The following HIBCH variants were observed in gnomAD, a reference collection of about 807,000 sequenced individuals.
HIBCH encodes 3-hydroxyisobutyryl-CoA hydrolase, mitochondrial.
Under a neutral mutation model 58.2 loss-of-function variants are expected in HIBCH, and 50 were observed. That is an observed-to-expected ratio of 0.86 (90% CI 0.68 to 1.09). HIBCH has a LOEUF of 1.09. Among genes scored for constraint, HIBCH ranks in the 50% least tolerant of loss-of-function variants. The pLI, the probability that HIBCH is intolerant of heterozygous loss-of-function variation, is 0.00. For missense variants in HIBCH, 450 were observed against 449.7 expected (o/e 1.00, Z -0.01); for synonymous variants, 151 against 146.9 (o/e 1.03, Z -0.20).
chr2:190,291,698 T>C (rs35334255), intron 4 of HIBCH, among the ~76,000 whole-genome samples: 23,347 of 152,248 alleles, frequency 0.15, 2,508 homozygotes, highest in Admixed American at 0.32. Context: ...AAATATCTAC[T>C]GAATAGTGAA....
intron 11 of HIBCH, among the ~76,000 whole-genome samples, chr2:190,238,932 GA>G (rs1323561966): frequency 6.6e-6 from 1 of 152,158 alleles, no homozygotes; most frequent in African/African-American, 2.4e-5. Flanking sequence ...TCACTCTGAT[GA>G]GAATTTCTTC....
chr2:190,215,830 G>A lies in HIBCH; in HGVS notation c.892-2755C>T, dbSNP rs1420215933. ...GTGTGTGTGGGAGCCACTGGACTAA[G>A]CAGCCAAGACAGGGAAGGCAGTGTA... is the stretch of plus-strand genomic sequence containing the variant. On this transcript the variant is annotated intron_variant, in intron 11 of 13. Coordinates refer to ENST00000359678, the MANE Select transcript of HIBCH (RefSeq NM_014362.4). The surrounding 1 kb of genome is among the most constrained non-coding windows in gnomAD (Gnocchi z 4.4). 6.6e-6 allele frequency: 1 copy of A among 152,420 alleles called. No individual in the cohort carries two copies. The highest frequency in any genetic ancestry group is 2.4e-5 in the African/African-American group (1 of 41,436). 9.4% of individuals were successfully genotyped at this position (152,420 alleles called of 1,614,324 possible). A position where few individuals can be genotyped will look rare whatever the true frequency, so the allele number is the denominator to read the frequency against.
At chr2:190,194,416 G>T (rs1689866517) in intron 1 of HIBCH, among the ~76,000 whole-genome samples, 1 of 151,442 alleles carries the variant, frequency 6.6e-6, no homozygotes, top group Non-Finnish European at 1.5e-5. Context: ...CTGTTTTTCA[G>T]AGCAGTTTTA....
At position 190,243,110 on chromosome 2, in the gene HIBCH, T is replaced by C. The variant is rs553596908; in HGVS notation, c.891+1777A>G. ...GATCCTGGATGTGTCTGTGAGGGTG[T>C]TGCCAAAAGAGATTAACATTTGAGT... On this transcript the variant is annotated intron_variant, in intron 11 of 13. Transcript: ENST00000359678. The surrounding 1 kb of genome is among the most constrained non-coding windows in gnomAD (Gnocchi z 4.1). Among the ~76,000 whole-genome samples, 12 of 152,286 alleles carry C rather than the reference T, an allele frequency of 7.9e-5. No individual in the cohort carries two copies. The highest frequency in any genetic ancestry group is 4.2e-4 in the South Asian group (2 of 4,818).
intron 7 of HIBCH, among the ~76,000 whole-genome samples, chr2:190,257,801 C>T (rs1686970537): frequency 6.6e-6 from 1 of 152,108 alleles, no homozygotes; most frequent in Admixed American, 6.5e-5. Flanking sequence ...GGAAAGGGGG[C>T]TGAAGTCATC....
intron 1 of HIBCH, among the ~76,000 whole-genome samples, chr2:190,191,137 T>C (rs774759780): frequency 6.6e-6 from 1 of 152,020 alleles, no homozygotes; most frequent in African/African-American, 2.4e-5. Flanking sequence ...TTGCATACAA[T>C]TTTTTTTCTT....
In HIBCH at chr2:190,280,679, A is replaced by C. The variant is rs563491490; in HGVS notation, c.438+6907T>G. 5.3e-5 allele frequency among the ~76,000 whole-genome samples: 8 copies of C among 152,298 alleles called. No individual in the cohort carries two copies. In the South Asian group the frequency reaches 1.7e-3, roughly 32 times the overall value. On this transcript the variant is annotated intron_variant, in intron 6 of 13. Transcript: ENST00000359678. ...GAGCATGCGCACAACTTGAGTAAAC[A>C]CACTGAGCATATGGCCCCTCGAGTG...
downstream of HIBCH, chr2:190,199,950 A>AGAAGAGAGATGT: frequency 1.9e-6 from 3 of 1,614,158 alleles, no homozygotes; most frequent in Non-Finnish European, 1.7e-6. Context: ...CCTTTATGCC[A>AGAAGAGAGATGT]GAAGAGAGAT....
At chr2:190,287,743 T>C in intron 5 of HIBCH, 105 bp from the exon 6 acceptor site, 1 of 781,362 alleles carries the variant, frequency 1.3e-6, no homozygotes, top group South Asian at 1.6e-5. Context: ...CCCTAGGAAA[T>C]TTTAGCAAGA....
In HIBCH at chr2:190,294,022, G is replaced by GTATA. The variant is rs1553505756; in HGVS notation, c.304+520_304+523dup. ...ATATTTTGTAATATATATTTTGTGT[G>GTATA]TATATATATATATATATATATATAT... On this transcript the variant is annotated intron_variant, in intron 4 of 13. Coordinates refer to ENST00000359678, the MANE Select transcript of HIBCH (RefSeq NM_014362.4). Among the ~76,000 whole-genome samples the GTATA allele has an allele frequency of 7.5e-3, 618 of 82,922 alleles. 13 individuals carry two copies. Among genetic ancestry groups the GTATA allele is most frequent in the East Asian group, 0.072 (270 of 3,746 alleles). 54.4% of individuals were successfully genotyped at this position (82,922 alleles called of 152,430 possible). A position where few individuals can be genotyped will look rare whatever the true frequency, so the allele number is the denominator to read the frequency against.
At chr2:190,316,601 G>A (rs146383951) in intron 1 of HIBCH, among the ~76,000 whole-genome samples, 1 of 152,170 alleles carries the variant, frequency 6.6e-6, no homozygotes, top group African/African-American at 2.4e-5. Flanking sequence ...TTCTATAAGG[G>A]CAACAATGGC....
chr2:190,210,458 T>G lies in HIBCH; in HGVS notation c.1012-1545A>C, dbSNP rs1275415651. On this transcript the variant is annotated intron_variant, in intron 12 of 13. Transcript: ENST00000359678. This position sits in a 1 kb window ranked among gnomAD's most constrained non-coding sequence, Gnocchi z 5.5. ...TCAAAATGTTAGAGTTCCTTAGGGC[T>G]CAGGTCTGGACTCTCATTTTCTTTA... Among the ~76,000 whole-genome samples the G allele has an allele frequency of 4.6e-5, 7 of 152,300 alleles. No homozygotes were observed. The East Asian group carries it at 1.4e-3, about 29-fold the overall frequency.
rs1209543570 is a variant in HIBCH at position 190,211,397 on chromosome 2, C to T, written c.1011+1559G>A. On this transcript the variant is annotated intron_variant, in intron 12 of 13. Coordinates refer to ENST00000359678, the MANE Select transcript of HIBCH (RefSeq NM_014362.4). This position sits in a 1 kb window ranked among gnomAD's most constrained non-coding sequence, Gnocchi z 5.0. ...TTGTCTCAAAACTACTATTTCACAC[C>T]TGGATCACTGCAGGAAATCTATATC... 6.6e-6 allele frequency among the ~76,000 whole-genome samples: 1 copy of T among 152,170 alleles called. No individual in the cohort carries two copies. The highest frequency in any genetic ancestry group is 1.5e-5 in the Non-Finnish European group (1 of 68,032).
intron 2 of HIBCH, among the ~76,000 whole-genome samples, chr2:190,309,811 G>A (rs1037727554): frequency 6.6e-5 from 10 of 151,900 alleles, no homozygotes; most frequent in Admixed American, 5.9e-4. Context: ...CACCCACCTC[G>A]GCCTCCCAAA....
At chr2:190,239,647 G>GTTTTTTTTTTTTTTTTTT (rs60949644) in intron 11 of HIBCH, among the ~76,000 whole-genome samples, 1 of 127,550 alleles carries the variant, frequency 7.8e-6, no homozygotes, top group African/African-American at 3.0e-5. Context: ...GTGGTTTGTA[G>GTTTTTTTTTTTTTTTTTT]TTTTTTTTTT....
intron 11 of HIBCH, chr2:190,213,489 G>C (rs1267490935): frequency 5.0e-6 from 1 of 200,836 alleles, no homozygotes; most frequent in Non-Finnish European, 1.0e-5. Flanking sequence ...GCAAACTACA[G>C]AAGAAACAGG....
chr2:190,252,219 T>C lies in HIBCH; in HGVS notation c.606A>G (p.Leu202=). 1 of 1,613,806 alleles carries C rather than the reference T, an allele frequency of 6.2e-7. No homozygotes were observed. Among genetic ancestry groups the C allele is most frequent in the Non-Finnish European group, 8.5e-7 (1 of 1,179,696 alleles). Residue 202 remains leucine, a synonymous_variant, in exon 8 of 14, where the codon CTA becomes CTG. Transcript: ENST00000359678. ...CTGCTCTGTACACATCTCTTCCTTT[T>C]AGTCTGAATCCTGTTAATGCAAGGA... ...GYFLALTGFR[L]KGRDVYRAGI...
At chr2:190,293,739 C>G (rs1307140196) in intron 4 of HIBCH, among the ~76,000 whole-genome samples, 1 of 151,442 alleles carries the variant, frequency 6.6e-6, no homozygotes, top group East Asian at 1.9e-4. Context: ...AAGAAAAAAA[C>G]CATCCCTGAA....
At chr2:190,317,087 T>C (rs746404641) in intron 1 of HIBCH, among the ~76,000 whole-genome samples, 29 of 152,154 alleles carry the variant, frequency 1.9e-4, no homozygotes, top group Admixed American at 1.4e-3. Context: ...CTAGTTTTTT[T>C]ATTTCTTATT....
Sources: gnomAD v4.1 joint callset for allele counts (sites outside exome capture counted in the v4.1 genomes callset) on GRCh38, gnomAD v4.1.1 for gene constraint, Gnocchi (gnomAD v3.1) non-coding constraint, MANE v1.5 for transcripts, NCBI Gene and HGNC (gene_info 2026-07-23, HGNC 2026-07-21) for gene names.